The following PRMT8 variants were observed in gnomAD, a reference collection of about 807,000 sequenced individuals.
PRMT8 encodes the protein protein arginine N-methyltransferase 8.
PRMT8 carries 7 observed loss-of-function variants against 47.1 expected under a neutral mutation model. The ratio of observed to expected loss-of-function variants is 0.15; its 90% CI spans 0.08 to 0.28. The LOEUF (loss-of-function observed/expected upper bound fraction) is 0.28, where lower values mean the gene tolerates loss of function less well. Among genes scored for constraint, PRMT8 ranks in the 10% least tolerant of loss-of-function variants. The pLI is 1.00. For missense variants in PRMT8, 237 were observed against 505.4 expected, an observed-to-expected ratio of 0.47 and a Z score of 5.09; for synonymous variants, 188 against 186.5, an observed-to-expected ratio of 1.01 and a Z score of -0.07.
chr12:3,390,233 A>C (rs572754327), intron 1 of PRMT8, among the ~76,000 whole-genome samples: 3 of 152,362 alleles, frequency 2.0e-5, no homozygotes, highest in Admixed American at 2.0e-4. Flanking sequence ...ACTAAGCCTG[A>C]ATCTTATTCT....
chr12:3,485,322 G>A (rs1451314655), intron 1 of PRMT8, among the ~76,000 whole-genome samples: 3 of 152,128 alleles, frequency 2.0e-5, no homozygotes, highest in South Asian at 2.1e-4. Flanking sequence ...CCTCAAGTGC[G>A]TGATCCAGGG....
chr12:3,491,268 G>T lies in PRMT8; in HGVS notation c.-358G>T. The T allele has an allele frequency of 2.9e-6, 3 of 1,043,862 alleles. No homozygotes were observed. The highest frequency in any genetic ancestry group is 7.8e-5 in the East Asian group (1 of 12,856). 64.7% of individuals were successfully genotyped at this position (1,043,862 alleles called of 1,614,324 possible). A position where few individuals can be genotyped will look rare whatever the true frequency, so the allele number is the denominator to read the frequency against. ...GGCTGCCTCCGGCCGGCCGGACTTTGCGAGCAGCCTGGAGAGGATCCGCGA... is the reference window on the plus strand; with the variant it reads ...GGCTGCCTCCGGCCGGCCGGACTTTTCGAGCAGCCTGGAGAGGATCCGCGA... On this transcript the variant is annotated 5_prime_UTR_variant, in exon 1 of 10. Transcript: ENST00000382622.
At chr12:3,477,902 C>T (rs1302571162) in intron 1 of PRMT8, among the ~76,000 whole-genome samples, 1 of 152,156 alleles carries the variant, frequency 6.6e-6, no homozygotes, top group African/African-American at 2.4e-5. Context: ...TAAATATTCT[C>T]CTACCTTTCT....
Position 3,492,234 on chromosome 12 carries a change from G to A in PRMT8, c.75+534G>A, listed in dbSNP as rs992858753. ...CCGCGCGGAGAGCCCCCGGCCGCGG[G>A]GGCCGAGCCGGCAGGAGGACTCGGG... On this transcript the variant is annotated intron_variant, in intron 1 of 9. Transcript: ENST00000382622. The surrounding 1 kb of genome is among the most constrained non-coding windows in gnomAD (Gnocchi z 7.5). 2.6e-5 allele frequency among the ~76,000 whole-genome samples: 4 copies of A among 152,064 alleles called. No individual in the cohort carries two copies. Among genetic ancestry groups the A allele is most frequent in the Non-Finnish European group, 4.4e-5 (3 of 67,996 alleles).
chr12:3,528,374 A>T (rs1040248328), intron 1 of PRMT8, among the ~76,000 whole-genome samples: 34 of 151,586 alleles, frequency 2.2e-4, no homozygotes, highest in African/African-American at 8.2e-4. Flanking sequence ...GGTTTTTTGG[A>T]TGATCTTTAT....
intron 1 of PRMT8, among the ~76,000 whole-genome samples, chr12:3,443,746 C>G (rs543331237): frequency 6.6e-6 from 1 of 152,222 alleles, no homozygotes; most frequent in Admixed American, 6.5e-5. Context: ...GAAATTGAGA[C>G]CCCTCTCCCT....
At chr12:3,423,156 A>G (rs1864562475) in intron 1 of PRMT8, among the ~76,000 whole-genome samples, 2 of 152,192 alleles carry the variant, frequency 1.3e-5, no homozygotes, top group Non-Finnish European at 1.5e-5. Flanking sequence ...ACATGTGCCA[A>G]TTTTGTCATA....
intron 7 of PRMT8, among the ~76,000 whole-genome samples, 182 bp from the exon 8 acceptor site, chr12:3,582,876 C>A (rs546651599): frequency 6.6e-6 from 1 of 152,222 alleles, no homozygotes. Context: ...CACACTCCAC[C>A]CTAGAAAGGA....
upstream of PRMT8, among the ~76,000 whole-genome samples, chr12:3,487,981 T>C (rs1163649670): frequency 6.6e-6 from 1 of 152,220 alleles, no homozygotes; most frequent in African/African-American, 2.4e-5. Context: ...CTCCAGATGA[T>C]TCCACTGTAT....
intron 1 of PRMT8, among the ~76,000 whole-genome samples, chr12:3,403,898 AG>A (rs67034436): frequency 0.32 from 35,228 of 108,826 alleles, 7,579 homozygotes; most frequent in East Asian, 0.6. Context: ...AAAAAAAAAA[AG>A]AGAGAGAAAA....
intron 1 of PRMT8, among the ~76,000 whole-genome samples, chr12:3,413,815 T>G (rs1420293996): frequency 6.6e-6 from 1 of 152,206 alleles, no homozygotes; most frequent in East Asian, 1.9e-4. Context: ...TAACAACTAT[T>G]TACATAAAAT....
In PRMT8 at chr12:3,593,108, G is replaced by T. The variant is rs867638529; in HGVS notation, c.1111G>T (p.Asp371Tyr). The T allele has an allele frequency of 6.2e-7, 1 of 1,614,054 alleles. No homozygotes were observed. The highest frequency in any genetic ancestry group is 2.2e-5 in the East Asian group (1 of 44,872). The stretch of plus-strand genomic sequence containing the variant: ...TCTCTCTGCCTTGCAGCGAGACCTC[G>T]ATTTCACAGTAGACTTGGATTTTAA... ...KPNAKNVRDL[D>Y]FTVDLDFKGQ... is the part of the protein sequence containing the mutation. The change falls in exon 10 of 10, where the codon GAT becomes TAT. Residue 371 changes from aspartate to tyrosine, a missense_variant. Transcript: ENST00000382622. The surrounding 1 kb of genome is among the most constrained non-coding windows in gnomAD (Gnocchi z 4.8).
intron 1 of PRMT8, among the ~76,000 whole-genome samples, chr12:3,414,868 C>T (rs573442295): frequency 1.5e-3 from 223 of 152,096 alleles, no homozygotes; most frequent in Non-Finnish European, 2.3e-3. Flanking sequence ...ACTGCTCAGT[C>T]GCTTGTGTTG....
intron 1 of PRMT8, among the ~76,000 whole-genome samples, chr12:3,386,196 A>G (rs1274964678): frequency 2.0e-5 from 3 of 152,206 alleles, no homozygotes; most frequent in African/African-American, 7.2e-5. Context: ...CTTTGGGCTG[A>G]GCAATCCTGC....
At chr12:3,512,047 T>A (rs1374313770) in intron 1 of PRMT8, among the ~76,000 whole-genome samples, 2 of 152,142 alleles carry the variant, frequency 1.3e-5, no homozygotes, top group Non-Finnish European at 2.9e-5. Flanking sequence ...TCCATGGCCA[T>A]CCCTGCAGTT....
chr12:3,564,707 G>C lies in PRMT8; in HGVS notation c.482-3999G>C, dbSNP rs1030341220. Reference sequence around the variant, plus strand: ...CTCAGTGCAACCTTGAGTTGATGCAGTTTTAGTGACTTGGGGTCCAGATTG... The same window carrying C: ...CTCAGTGCAACCTTGAGTTGATGCACTTTTAGTGACTTGGGGTCCAGATTG... On this transcript the variant is annotated intron_variant, in intron 4 of 9. Coordinates refer to ENST00000382622, the MANE Select transcript of PRMT8 (RefSeq NM_019854.5). This position sits in a 1 kb window ranked among gnomAD's most constrained non-coding sequence, Gnocchi z 4.0. 9.9e-5 allele frequency among the ~76,000 whole-genome samples: 15 copies of C among 152,256 alleles called. No homozygotes were observed. The highest frequency in any genetic ancestry group is 3.6e-4 in the African/African-American group (15 of 41,470).
intron 4 of PRMT8, among the ~76,000 whole-genome samples, chr12:3,561,500 C>A (rs1381613266): frequency 6.6e-6 from 1 of 152,164 alleles, no homozygotes; most frequent in African/African-American, 2.4e-5. Context: ...ATGACTAAGA[C>A]GCCCTGCAGA....
intron 1 of PRMT8, among the ~76,000 whole-genome samples, chr12:3,465,487 G>A (rs1260074368): frequency 6.6e-6 from 1 of 151,932 alleles, no homozygotes; most frequent in Admixed American, 6.6e-5. Context: ...AGAAAGAGGA[G>A]CAGTTATTTC....
intron 1 of PRMT8, among the ~76,000 whole-genome samples, chr12:3,532,362 C>A (rs1052020186): frequency 3.3e-5 from 5 of 149,720 alleles, no homozygotes; most frequent in African/African-American, 9.8e-5. Flanking sequence ...GTAATCCCAG[C>A]GCTTTGGGAG....
Sources: allele counts gnomAD v4.1 joint callset (sites outside exome capture counted in the v4.1 genomes callset), GRCh38; gene constraint gnomAD v4.1.1; non-coding constraint Gnocchi (gnomAD v3.1); transcripts MANE v1.5; gene names NCBI Gene and HGNC (gene_info 2026-07-23, HGNC 2026-07-21).